Variants in EDARADD observed in about 807,000 individuals in gnomAD.
The protein encoded by EDARADD is ectodysplasin-A receptor-associated adapter protein.
A neutral mutation model predicts 25.6 loss-of-function variants in EDARADD; 20 were observed. That is an observed-to-expected ratio of 0.78 (90% CI 0.55 to 1.14). The LOEUF (loss-of-function observed/expected upper bound fraction) is 1.14. Among genes scored for constraint, EDARADD ranks in the 50% most tolerant of loss-of-function variants. The pLI is 0.00. For synonymous variants in EDARADD, 86 were observed against 94.4 expected (o/e 0.91, Z 0.52); for missense variants, 225 against 270.1 (o/e 0.83, Z 1.17).
At chr1:236,409,104 C>A in intron 1 of EDARADD, 112 bp from the exon 2 acceptor site, 13 of 531,576 alleles carry the variant, frequency 2.4e-5, no homozygotes, top group East Asian at 6.7e-5. Flanking sequence ...AGGTTTTCTT[C>A]AGCCTAAGTA....
In EDARADD at chr1:236,468,223, G is replaced by T. The variant is rs776471811; in HGVS notation, c.220-8G>T. On this transcript the variant is annotated splice_region_variant and splice_polypyrimidine_tract_variant and intron_variant, in intron 4 of 5. Coordinates refer to ENST00000334232, the MANE Select transcript of EDARADD (RefSeq NM_145861.4). ...TGATTTTAATGAAGGTTGCTTTTTG[G>T]TTTTTAGGGAGAAGAAAATGGCTTT... is the stretch of plus-strand genomic sequence containing the variant. The T allele has an allele frequency of 1.1e-5, 18 of 1,613,728 alleles. No individual in the cohort carries two copies. Among genetic ancestry groups the T allele is most frequent in the African/African-American group, 1.3e-5 (1 of 75,012 alleles).
Position 236,483,493 on chromosome 1 carries a change from C to A in EDARADD, c.*844C>A. On this transcript the variant is annotated 3_prime_UTR_variant, in exon 6 of 6. Coordinates refer to ENST00000334232, the MANE Select transcript of EDARADD (RefSeq NM_145861.4). ...AATAAATCTAAATTTGGTGCAAATG[C>A]CATTCTGGGAGTGTCCCTCGCTGCC... is the stretch of plus-strand genomic sequence containing the variant. The A allele has an allele frequency of 9.9e-7, 1 of 1,014,446 alleles. No homozygotes were observed. Among genetic ancestry groups the A allele is most frequent in the Non-Finnish European group, 1.6e-6 (1 of 636,090 alleles). 62.8% of individuals were successfully genotyped at this position (1,014,446 alleles called of 1,614,324 possible).
At chr1:236,463,677 A>G (rs890029044) in intron 4 of EDARADD, among the ~76,000 whole-genome samples, 20 of 152,240 alleles carry the variant, frequency 1.3e-4, no homozygotes, top group African/African-American at 4.8e-4. Flanking sequence ...CACCTCCAGA[A>G]CTTCTCTGTC....
intron 4 of EDARADD, among the ~76,000 whole-genome samples, chr1:236,467,765 T>C (rs544791748): frequency 1.0e-4 from 15 of 144,408 alleles, no homozygotes; most frequent in East Asian, 8.1e-4. Context: ...ATTGATACCC[T>C]TTTTTTTTTT....
chr1:236,448,927 C>A (rs1014298920), intron 4 of EDARADD, among the ~76,000 whole-genome samples: 14 of 152,282 alleles, frequency 9.2e-5, no homozygotes, highest in African/African-American at 3.1e-4. Context: ...TCTGCTTGGG[C>A]TGCCGTAACT....
chr1:236,450,249 G>A (rs1199697947), intron 4 of EDARADD, among the ~76,000 whole-genome samples: 5 of 151,950 alleles, frequency 3.3e-5, no homozygotes, highest in Admixed American at 6.6e-5. Flanking sequence ...CGATATAATC[G>A]TGCCACCACA....
chr1:236,483,357 C>T lies in EDARADD; in HGVS notation c.*708C>T. 6.5e-7 allele frequency: 1 copy of T among 1,530,162 alleles called. No homozygotes were observed. Among genetic ancestry groups the T allele is most frequent in the Non-Finnish European group, 9.0e-7 (1 of 1,106,534 alleles). 94.8% of individuals were successfully genotyped at this position (1,530,162 alleles called of 1,614,324 possible). On this transcript the variant is annotated 3_prime_UTR_variant, in exon 6 of 6. Coordinates refer to ENST00000334232, the MANE Select transcript of EDARADD (RefSeq NM_145861.4). ...CTATATGGGGAAGGGTGTCTCAAAG[C>T]CTGTTGAGCCCATCAATAAAACTAT...
intron 1 of EDARADD, among the ~76,000 whole-genome samples, chr1:236,408,171 T>TAAC (rs1667770975): frequency 6.6e-6 from 1 of 151,846 alleles, no homozygotes; most frequent in Admixed American, 6.6e-5. Flanking sequence ...TATGGTGGGG[T>TAAC]TTTTTATGTA....
Position 236,395,698 on chromosome 1 carries a change from G to A in EDARADD, c.61+1193G>A, listed in dbSNP as rs1667503166. The A allele has an allele frequency of 7.8e-6, 12 of 1,538,350 alleles. No homozygotes were observed. The highest frequency in any genetic ancestry group is 1.0e-5 in the Non-Finnish European group (12 of 1,147,302). ...AGCGCCGCGCCCGCTCCTGGAGCGA[G>A]CACCGCGGGGCGGGAGCTCGGGAGG... On this transcript the variant is annotated intron_variant, in intron 1 of 5. Coordinates refer to ENST00000334232, the MANE Select transcript of EDARADD (RefSeq NM_145861.4). The surrounding 1 kb of genome is among the most constrained non-coding windows in gnomAD (Gnocchi z 6.9).
At chr1:236,360,599 G>GCAGT (rs1667035840) in intron 3 of EDARADD, among the ~76,000 whole-genome samples, 1 of 144,070 alleles carries the variant, frequency 6.9e-6, no homozygotes, top group African/African-American at 2.6e-5. Context: ...AGGCTGGAGT[G>GCAGT]CAGTGGTGCC....
upstream of EDARADD, among the ~76,000 whole-genome samples, chr1:236,393,391 C>CTTTTTTTTTTTTT (rs761525038): frequency 2.8e-4 from 24 of 87,200 alleles, no homozygotes; most frequent in Admixed American, 5.3e-4. Flanking sequence ...TTCTTTCTTT[C>CTTTTTTTTTTTTT]TTTTTTTTTT....
chr1:236,403,299 T>G (rs1427092020), intron 1 of EDARADD, among the ~76,000 whole-genome samples: 2 of 151,344 alleles, frequency 1.3e-5, no homozygotes, highest in African/African-American at 4.9e-5. Flanking sequence ...TTCTTTTTTC[T>G]TTTTTTGAGA....
chr1:236,356,409 C>G (rs1321643110), intron 3 of EDARADD, among the ~76,000 whole-genome samples: 1 of 152,204 alleles, frequency 6.6e-6, no homozygotes, highest in South Asian at 2.1e-4. Flanking sequence ...TTACCGGGCA[C>G]TCTGGCTTAG....
intron 3 of EDARADD, among the ~76,000 whole-genome samples, chr1:236,353,223 G>A (rs930964646): frequency 6.6e-6 from 1 of 152,132 alleles, no homozygotes; most frequent in Non-Finnish European, 1.5e-5. Context: ...CTGCAGGAGA[G>A]AACTGTGTGA....
rs1266107478 is a variant in EDARADD at position 236,467,424 on chromosome 1, GCGCACACACACA to G, written c.220-805_220-794del. Among the ~76,000 whole-genome samples the G allele has an allele frequency of 8.3e-5, 10 of 120,898 alleles. No individual in the cohort carries two copies. In the East Asian group the frequency reaches 1.0e-3, roughly 12 times the overall value. 79.3% of individuals were successfully genotyped at this position (120,898 alleles called of 152,430 possible). A position where few individuals can be genotyped will look rare whatever the true frequency, so the allele number is the denominator to read the frequency against. On this transcript the variant is annotated intron_variant, in intron 4 of 5. Transcript: ENST00000334232. ...CTGACTTCATGGGAAGCACACACACGCGCACACACACACACACACACACACACACACATACAC... is the reference window on the plus strand; with the variant it reads ...CTGACTTCATGGGAAGCACACACACGCACACACACACACACACACATACAC...
chr1:236,459,022 C>T (rs1464779928), intron 4 of EDARADD, among the ~76,000 whole-genome samples: 3 of 152,094 alleles, frequency 2.0e-5, no homozygotes, highest in Non-Finnish European at 4.4e-5. Flanking sequence ...GTAAACTTTT[C>T]ATATATGACA....
intron 3 of EDARADD, among the ~76,000 whole-genome samples, chr1:236,366,676 T>G (rs1273454700): frequency 6.6e-6 from 1 of 151,958 alleles, no homozygotes; most frequent in Non-Finnish European, 1.5e-5. Flanking sequence ...TCAGTTCTTC[T>G]TTCCTGCATC....
At chr1:236,410,051 A>G (rs978492696) in intron 2 of EDARADD, among the ~76,000 whole-genome samples, 3 of 152,024 alleles carry the variant, frequency 2.0e-5, no homozygotes, top group Non-Finnish European at 2.9e-5. Flanking sequence ...AAGATTTCAC[A>G]TATATTGGTT....
chr1:236,437,743 C>CTTTT (rs5781886), intron 4 of EDARADD, among the ~76,000 whole-genome samples: 14 of 88,108 alleles, frequency 1.6e-4, no homozygotes, highest in African/African-American at 2.8e-4. Context: ...TTGGTTCCTT[C>CTTTT]TTTTTTTTTT....
Sources: allele counts gnomAD v4.1 joint callset (sites outside exome capture counted in the v4.1 genomes callset), GRCh38; gene constraint gnomAD v4.1.1; non-coding constraint Gnocchi (gnomAD v3.1); transcripts MANE v1.5; gene names NCBI Gene and HGNC (gene_info 2026-07-23, HGNC 2026-07-21).